The following SMG6 variants were observed in gnomAD, a reference collection of about 807,000 sequenced individuals.
The protein encoded by SMG6 is SMG6 nonsense mediated mRNA decay factor.
Under a neutral mutation model 142.2 loss-of-function variants are expected in SMG6, and 66 were observed. The ratio of observed to expected loss-of-function variants is 0.46; its 90% confidence interval spans 0.38 to 0.57. The LOEUF (loss-of-function observed/expected upper bound fraction) is 0.57. Ranked by LOEUF, SMG6 falls within the 20% of genes least tolerant of loss-of-function variation. The pLI, the probability that SMG6 is intolerant of heterozygous loss-of-function variation, is 0.00. For synonymous variants in SMG6, 779 were observed against 702.4 expected (o/e 1.11, Z -1.72); for missense variants, 1,793 against 1,832.0 (o/e 0.98, Z 0.39).
At chr17:2,173,382 G>A (rs2071564073) in intron 12 of SMG6, among the ~76,000 whole-genome samples, 1 of 152,118 alleles carries the variant, frequency 6.6e-6, no homozygotes, top group Non-Finnish European at 1.5e-5. Context: ...CCTATATATA[G>A]GCAGGCAATC....
Position 2,297,999 on chromosome 17 carries a change from T to G in SMG6, c.1904A>C (p.Asp635Ala). Reference sequence around the variant, plus strand: ...CAGGATCTGATCCACATTCTGATTATCAGAGAACTCAATATCTAATAGAAT... The same window carrying G: ...CAGGATCTGATCCACATTCTGATTAGCAGAGAACTCAATATCTAATAGAAT... ...RCILLDIEFS[D>A]NQNVDQILWK... Residue 635 changes from aspartate (D) to alanine (A), a missense_variant, in exon 3 of 19, where the codon GAT becomes GCT. Physicochemically the swap from Asp to Ala is moderately radical, Grantham distance 126. Around this residue, in one of 3 missense-constraint regions of SMG6, gnomAD observed 1,597 missense variants for 1,584.6 expected, o/e 1.01. Transcript: ENST00000263073. 2 of 1,613,268 alleles carry G rather than the reference T, an allele frequency of 1.2e-6. No homozygotes were observed. The highest frequency in any genetic ancestry group is 1.7e-6 in the Non-Finnish European group (2 of 1,180,018).
In SMG6 at chr17:2,068,479, C is replaced by A. The variant is rs1416580562; in HGVS notation, c.3835+299G>T. On this transcript the variant is annotated intron_variant, in intron 16 of 18. Coordinates refer to ENST00000263073, the MANE Select transcript of SMG6 (RefSeq NM_017575.5). The surrounding 1 kb of genome is among the most constrained non-coding windows in gnomAD (Gnocchi z 6.7). ...TTACCAATAACGGGAACCAGCTTTGCTGTTTTACTGCAAGCTTTATAAGGA... is the reference window on the plus strand; with the variant it reads ...TTACCAATAACGGGAACCAGCTTTGATGTTTTACTGCAAGCTTTATAAGGA... Among the ~76,000 whole-genome samples the A allele has an allele frequency of 6.6e-6, 1 of 152,234 alleles. No individual in the cohort carries two copies. Among genetic ancestry groups the A allele is most frequent in the Non-Finnish European group, 1.5e-5 (1 of 68,040 alleles).
intron 13 of SMG6, among the ~76,000 whole-genome samples, chr17:2,165,938 G>A (rs1490153949): frequency 9.2e-5 from 14 of 151,950 alleles, no homozygotes; most frequent in Admixed American, 5.2e-4. Flanking sequence ...ATGGACGGGC[G>A]CGGTGACTCA....
intron 10 of SMG6, chr17:2,213,753 G>A (rs1032468201): frequency 1.3e-5 from 2 of 152,172 alleles, no homozygotes; most frequent in Admixed American, 6.5e-5. Context: ...ACGTGGCTTT[G>A]CATCCTCCCA....
At chr17:2,281,944 T>C (rs2074796832) in intron 8 of SMG6, among the ~76,000 whole-genome samples, 1 of 152,334 alleles carries the variant, frequency 6.6e-6, no homozygotes, top group Non-Finnish European at 1.5e-5. Flanking sequence ...TTCTTTATAC[T>C]TCAATTGACC....
chr17:2,127,794 C>T (rs774080262), intron 13 of SMG6: 1 of 552,436 alleles, frequency 1.8e-6, no homozygotes, highest in Non-Finnish European at 3.6e-6. Flanking sequence ...AAAATTCACT[C>T]TTCTCCAAAG....
chr17:2,300,165 G>A lies in SMG6; in HGVS notation c.588C>T (p.Asp196=), dbSNP rs780671914. ...CTGGGCTCTTTTCTATCTCAGCCCT[G>A]TCTGGTTTATTCGCAACTTCCTCCT... ...VAKEEVANKP[D]RAEIEKSPGG... The change falls in exon 2 of 19, where the codon GAC becomes GAT. Residue 196 remains aspartate (D), a synonymous_variant. Coordinates refer to ENST00000263073, the MANE Select transcript of SMG6 (RefSeq NM_017575.5). The A allele has an allele frequency of 1.9e-6, 3 of 1,613,996 alleles. No homozygotes were observed. Among genetic ancestry groups the A allele is most frequent in the Non-Finnish European group, 2.5e-6 (3 of 1,179,990 alleles).
At chr17:2,144,843 C>A (rs1012600296) in intron 13 of SMG6, among the ~76,000 whole-genome samples, 13 of 152,084 alleles carry the variant, frequency 8.5e-5, no homozygotes, top group African/African-American at 3.1e-4. Context: ...GGAATCCCAG[C>A]TTTAGGCAGG....
At chr17:2,158,888 C>A (rs1240516880) in intron 13 of SMG6, among the ~76,000 whole-genome samples, 7 of 125,708 alleles carry the variant, frequency 5.6e-5, no homozygotes, top group South Asian at 2.5e-4. Flanking sequence ...GTTTGCTGTT[C>A]AAGACTATGT....
intron 16 of SMG6, among the ~76,000 whole-genome samples, chr17:2,067,389 G>A (rs573714135): frequency 1.3e-5 from 2 of 152,216 alleles, no homozygotes; most frequent in South Asian, 2.1e-4. Flanking sequence ...GCTCTTAGGG[G>A]GCTCCTGAGA....
intron 13 of SMG6, among the ~76,000 whole-genome samples, chr17:2,149,455 C>G (rs1167560629): frequency 1.3e-5 from 2 of 149,688 alleles, no homozygotes; most frequent in East Asian, 2.0e-4. Context: ...AAGAATAAGA[C>G]TAATCTCTCT....
intron 13 of SMG6, among the ~76,000 whole-genome samples, chr17:2,119,489 C>T (rs1322613784): frequency 6.6e-6 from 1 of 151,928 alleles, no homozygotes; most frequent in Non-Finnish European, 1.5e-5. Flanking sequence ...TCACCGCACC[C>T]AGCCCAGAAT....
intron 13 of SMG6, among the ~76,000 whole-genome samples, chr17:2,135,006 A>T (rs2070248623): frequency 6.6e-6 from 1 of 151,974 alleles, no homozygotes; most frequent in South Asian, 2.1e-4. Context: ...CAGGCTCCCG[A>T]CTAGCTGGGA....
At chr17:2,082,030 T>C (rs577083717) in intron 14 of SMG6, 74 bp from the exon 15 acceptor site, 25 of 1,544,738 alleles carry the variant, frequency 1.6e-5, no homozygotes, top group South Asian at 9.0e-5. Flanking sequence ...GAACCCAACA[T>C]TGCCCTTGTG....
At chr17:2,104,231 G>A (rs954316999) in intron 13 of SMG6, among the ~76,000 whole-genome samples, 2 of 151,964 alleles carry the variant, frequency 1.3e-5, no homozygotes, top group African/African-American at 2.4e-5. Flanking sequence ...GATTACAGGC[G>A]TGAGCCACCG....
chr17:2,216,264 A>G (rs2073016640), intron 10 of SMG6, among the ~76,000 whole-genome samples: 1 of 152,134 alleles, frequency 6.6e-6, no homozygotes, highest in African/African-American at 2.4e-5. Context: ...AATGGGGTCA[A>G]GAGCATTAGT....
intron 8 of SMG6, among the ~76,000 whole-genome samples, chr17:2,275,561 A>T (rs1597762110): frequency 6.6e-6 from 1 of 152,202 alleles, no homozygotes; most frequent in Admixed American, 6.5e-5. Flanking sequence ...AGATCTAAAA[A>T]ATCCTCAGCA....
chr17:2,136,914 T>G (rs1006366283), intron 13 of SMG6, among the ~76,000 whole-genome samples: 2 of 152,076 alleles, frequency 1.3e-5, no homozygotes, highest in Non-Finnish European at 2.9e-5. Flanking sequence ...ATTTCAGCAC[T>G]TTGGGAGGCC....
intron 13 of SMG6, among the ~76,000 whole-genome samples, chr17:2,116,993 A>G (rs1270236398): frequency 6.6e-6 from 1 of 152,148 alleles, no homozygotes; most frequent in East Asian, 1.9e-4. Context: ...TCATCAGGGA[A>G]ATGCAAATTA....
Sources: gnomAD v4.1 joint callset for allele counts (sites outside exome capture counted in the v4.1 genomes callset) on GRCh38, gnomAD v4.1.1 for gene constraint, gnomAD v4.1.1 regional missense constraint, Gnocchi (gnomAD v3.1) non-coding constraint, MANE v1.5 for transcripts, NCBI Gene and HGNC (gene_info 2026-07-23, HGNC 2026-07-21) for gene names.